The following SIK2 variants were observed in gnomAD, a reference collection of about 807,000 sequenced individuals.
SIK2 encodes the protein salt inducible kinase 2, also known as serine/threonine-protein kinase SIK2.
In SIK2, 29 loss-of-function variants were observed where a neutral mutation model predicts 103.2. That is an observed-to-expected ratio of 0.28 (90% CI 0.21 to 0.38). The LOEUF (loss-of-function observed/expected upper bound fraction) is 0.38. Ranked by LOEUF, SIK2 falls within the 10% of genes least tolerant of loss-of-function variation. SIK2 has a pLI of 1.00. For synonymous variants in SIK2, 412 were observed against 446.1 expected (o/e 0.92, Z 0.96); for missense variants, 879 against 1,171.0 (o/e 0.75, Z 3.64).
intron 3 of SIK2, among the ~76,000 whole-genome samples, chr11:111,669,380 TAATTAA>T (rs1942592642): frequency 6.6e-6 from 1 of 152,218 alleles, no homozygotes; most frequent in African/African-American, 2.4e-5. Flanking sequence ...GAATTGTGTT[TAATTAA>T]AATTATTATT....
intron 3 of SIK2, among the ~76,000 whole-genome samples, chr11:111,676,800 G>T (rs1024366115): frequency 6.6e-6 from 1 of 152,038 alleles, no homozygotes; most frequent in African/African-American, 2.4e-5. Flanking sequence ...GAATGTTTTG[G>T]TAAATCATAG....
At position 111,721,831 on chromosome 11, in the gene SIK2, A is replaced by G. The variant is rs999728509; in HGVS notation, c.1946A>G (p.Glu649Gly). 6.2e-7 allele frequency: 1 copy of G among 1,605,634 alleles called. No homozygotes were observed. The highest frequency in any genetic ancestry group is 8.5e-7 in the Non-Finnish European group (1 of 1,176,416). Residue 649 changes from glutamate (E) to glycine (G), a missense_variant and splice_region_variant, in exon 13 of 15, where the codon GAA becomes GGA. By Grantham distance (98) the Glu-to-Gly change is moderately conservative. Transcript: ENST00000304987. Reference protein sequence around the residue: ...LQDLASSCPQEEVSQQQESVS... With the variant: ...LQDLASSCPQGEVSQQQESVS... The stretch of plus-strand genomic sequence containing the variant: ...TGTTTCCACCCCCTTGCTCCTCAGG[A>G]AGAAGTTTCTCAGCAGCAGGAAAGC...
chr11:111,624,914 C>T (rs537291451), intron 3 of SIK2, among the ~76,000 whole-genome samples: 5 of 152,168 alleles, frequency 3.3e-5, no homozygotes, highest in South Asian at 2.1e-4. Flanking sequence ...ACAGTCATGT[C>T]GATATGGTAG....
At chr11:111,628,785 C>T (rs1006435564) in intron 3 of SIK2, among the ~76,000 whole-genome samples, 2 of 152,066 alleles carry the variant, frequency 1.3e-5, no homozygotes, top group African/African-American at 4.8e-5. Flanking sequence ...AAATAATGTG[C>T]TTGTACTGGT....
At chr11:111,682,229 A>T (rs1942786903) in intron 3 of SIK2, among the ~76,000 whole-genome samples, 1 of 152,220 alleles carries the variant, frequency 6.6e-6, no homozygotes, top group Non-Finnish European at 1.5e-5. Flanking sequence ...TCAGTCCTTT[A>T]TAGAAACTAT....
intron 3 of SIK2, chr11:111,671,505 T>TC: frequency 3.4e-6 from 1 of 298,034 alleles, no homozygotes; most frequent in Non-Finnish European, 6.4e-6. Context: ...CTCAGTGCTT[T>TC]CCAGATAGCT....
At chr11:111,615,107 G>GTA (rs1941787208) in intron 1 of SIK2, among the ~76,000 whole-genome samples, 1 of 149,824 alleles carries the variant, frequency 6.7e-6, no homozygotes, top group Admixed American at 6.7e-5. Flanking sequence ...CCACTGCACT[G>GTA]TAGCCTAGGC....
intron 3 of SIK2, among the ~76,000 whole-genome samples, chr11:111,657,799 A>G (rs1426496921): frequency 1.3e-5 from 2 of 152,170 alleles, no homozygotes; most frequent in Non-Finnish European, 2.9e-5. Context: ...GAGTACAGAA[A>G]GTTATGAGGT....
At chr11:111,618,752 A>G (rs1226216808) in intron 2 of SIK2, among the ~76,000 whole-genome samples, 1 of 152,196 alleles carries the variant, frequency 6.6e-6, no homozygotes, top group Non-Finnish European at 1.5e-5. Flanking sequence ...TTTTTAAAAG[A>G]AAACGTCTTG....
intron 9 of SIK2, among the ~76,000 whole-genome samples, chr11:111,714,514 T>G (rs1243764024): frequency 1.3e-5 from 2 of 152,172 alleles, no homozygotes; most frequent in Non-Finnish European, 2.9e-5. Flanking sequence ...GAAGACAGGT[T>G]AGAGCACGTG....
At chr11:111,657,058 T>G (rs946002172) in intron 3 of SIK2, among the ~76,000 whole-genome samples, 3 of 152,214 alleles carry the variant, frequency 2.0e-5, no homozygotes, top group Non-Finnish European at 4.4e-5. Context: ...TTGTATAAGA[T>G]GTGTTTTTTT....
intron 3 of SIK2, among the ~76,000 whole-genome samples, chr11:111,667,250 T>C (rs904080012): frequency 2.0e-5 from 3 of 151,820 alleles, no homozygotes; most frequent in Admixed American, 2.0e-4. Flanking sequence ...CATTATCTTT[T>C]TATACTATTT....
chr11:111,719,993 G>A lies in SIK2; in HGVS notation c.1485G>A (p.Met495Ile). 1 of 1,613,558 alleles carries A rather than the reference G, an allele frequency of 6.2e-7. No individual in the cohort carries two copies. Residue 495 changes from methionine to isoleucine, a missense_variant, in exon 10 of 15, where the codon ATG becomes ATA. By Grantham distance (10) the Met-to-Ile change is conservative. Around this residue, in one of 7 missense-constraint regions of SIK2, gnomAD observed 222 missense variants for 258.0 expected, o/e 0.86. Coordinates refer to ENST00000304987, the MANE Select transcript of SIK2 (RefSeq NM_015191.3). ...AAGTGACCAATCAACTGGTCGTGATGCCTGGGGCAGGTACGGTAGAGGAGC... is the reference window on the plus strand; with the variant it reads ...AAGTGACCAATCAACTGGTCGTGATACCTGGGGCAGGTACGGTAGAGGAGC... The part of the protein sequence containing the change: ...LSEVTNQLVV[M>I]PGAGKIFSMN...
chr11:111,715,865 G>A (rs1305958022), intron 9 of SIK2, among the ~76,000 whole-genome samples: 1 of 123,298 alleles, frequency 8.1e-6, no homozygotes, highest in Non-Finnish European at 1.6e-5. Flanking sequence ...GCAGTGACAC[G>A]ATCTCAGCTC....
In SIK2 at chr11:111,722,740, C is replaced by T; in HGVS notation, c.2131C>T (p.Gln711Ter). 6.2e-7 allele frequency: 1 copy of T among 1,614,062 alleles called. No homozygotes were observed. The highest frequency in any genetic ancestry group is 8.5e-7 in the Non-Finnish European group (1 of 1,179,918). The change falls in exon 14 of 15, where the codon CAG becomes TAG. Residue 711 changes from glutamine to a stop codon, truncating the protein, a stop_gained. Coordinates refer to ENST00000304987, the MANE Select transcript of SIK2 (RefSeq NM_015191.3). LOFTEE classifies it high-confidence loss of function. The surrounding 1 kb of genome is among the most constrained non-coding windows in gnomAD (Gnocchi z 4.4). ...AGAACCACCGCGGAGCCTTGAGCAG[C>T]AGCTGCAGGAACATAGGTGAGAAGG... Reference protein sequence around the residue: ...CKEPPRSLEQQLQEHRLQQKR... With the variant: ...CKEPPRSLEQ
chr11:111,674,721 G>A (rs911370000), intron 3 of SIK2, among the ~76,000 whole-genome samples: 1 of 151,928 alleles, frequency 6.6e-6, no homozygotes, highest in African/African-American at 2.4e-5. Flanking sequence ...ATTGGAAATT[G>A]TATACCAGTC....
intron 1 of SIK2, among the ~76,000 whole-genome samples, chr11:111,603,257 C>G (rs998077458): frequency 3.9e-5 from 6 of 152,110 alleles, no homozygotes; most frequent in African/African-American, 1.4e-4. Flanking sequence ...CGGCCACTGT[C>G]CATCTCCTCT....
In SIK2 at chr11:111,636,963, G is replaced by A. The variant is rs146259748; in HGVS notation, c.316+16561G>A. 4.8e-3 allele frequency among the ~76,000 whole-genome samples: 733 copies of A among 152,226 alleles called. 4 individuals are homozygous for A. Among genetic ancestry groups the A allele is most frequent in the Middle Eastern group, 0.014 (4 of 294 alleles). ...TAATTTTCCAATGATGTGCTTTGGT[G>A]TGGGTCTATTTCAATTTGTGGTGCT... On this transcript the variant is annotated intron_variant, in intron 3 of 14. Transcript: ENST00000304987.
intron 3 of SIK2, among the ~76,000 whole-genome samples, chr11:111,648,872 T>A (rs780850518): frequency 3.9e-5 from 6 of 152,130 alleles, no homozygotes; most frequent in Non-Finnish European, 8.8e-5. Context: ...AGCTCTACAG[T>A]TCAACTTAGA....
Sources: allele counts gnomAD v4.1 joint callset (sites outside exome capture counted in the v4.1 genomes callset), GRCh38; gene constraint gnomAD v4.1.1; regional missense constraint gnomAD v4.1.1; non-coding constraint Gnocchi (gnomAD v3.1); transcripts MANE v1.5; gene names NCBI Gene and HGNC (gene_info 2026-07-23, HGNC 2026-07-21).